Variants in ZNF670 observed in about 807,000 individuals in gnomAD.
ZNF670 encodes the protein zinc finger protein 670.
In ZNF670, 7 loss-of-function variants were observed where a neutral mutation model predicts 10.9. The observed-to-expected ratio is 0.64, with a 90% CI of 0.36 to 1.20. The LOEUF is 1.20. Among genes scored for constraint, ZNF670 ranks in the 50% most tolerant of loss-of-function variants. The pLI is 0.02. For missense variants in ZNF670, 446 were observed against 458.6 expected (o/e 0.97, Z 0.25); for synonymous variants, 136 against 152.7 (o/e 0.89, Z 0.81).
In ZNF670 at chr1:247,063,579, A is replaced by AGTCTC. The variant is rs1491049255; in HGVS notation, c.3+15014_3+15015insGAGAC. Among the ~76,000 whole-genome samples the AGTCTC allele has an allele frequency of 1.2e-4, 8 of 65,366 alleles. No homozygotes were observed. In the South Asian group the frequency reaches 1.2e-3, roughly 10 times the overall value. The allele number at this position is 65,366 out of a possible 152,430, so 42.9% of individuals were successfully genotyped here. A position where few individuals can be genotyped will look rare whatever the true frequency, so the allele number is the denominator to read the frequency against. On this transcript the variant is annotated intron_variant, in intron 1 of 3. Transcript: ENST00000366503. ...GCCTGGGCGACAGAGCGAGACACCA[A>AGTCTC]AAAAAAAAAAAAAAAAAAGGAAACT...
In ZNF670 at chr1:247,039,419, G is replaced by A. The variant is rs1225732376; in HGVS notation, c.122C>T (p.Ala41Val). The change falls in exon 2 of 4, where the codon GCT becomes GTT. Residue 41 changes from alanine to valine, a missense_variant. Physicochemically the swap from Ala to Val is moderately conservative, Grantham distance 64 (BLOSUM62 0). Coordinates refer to ENST00000366503, the MANE Select transcript of ZNF670 (RefSeq NM_033213.5). ...AGTGTTGTTATTCTTACCTACAGAA[G>A]CCAGGTTCCTGAAGATTTCTTGCAT... ...DVMQEIFRNL[A>V]SVGNKSEDQN... The A allele has an allele frequency of 6.2e-7, 1 of 1,602,370 alleles. No homozygotes were observed. The highest frequency in any genetic ancestry group is 8.5e-7 in the Non-Finnish European group (1 of 1,176,012).
intron 1 of ZNF670, among the ~76,000 whole-genome samples, chr1:247,054,658 C>T (rs756323343): frequency 6.6e-6 from 1 of 152,198 alleles, no homozygotes; most frequent in Non-Finnish European, 1.5e-5. Flanking sequence ...AATTGATATA[C>T]AGGCAGTAAG....
chr1:247,073,144 A>T (rs542371655), intron 1 of ZNF670, among the ~76,000 whole-genome samples: 2 of 152,226 alleles, frequency 1.3e-5, no homozygotes, highest in South Asian at 4.1e-4. Context: ...AGCATAAAAC[A>T]ATTTATTCCA....
At chr1:247,042,870 G>A in intron 1 of ZNF670, 1 of 627,640 alleles carries the variant, frequency 1.6e-6, no homozygotes, top group Non-Finnish European at 3.0e-6. Context: ...TCTCTGTACT[G>A]TAACTGGCTC....
At chr1:247,055,519 T>C (rs896035145) in intron 1 of ZNF670, among the ~76,000 whole-genome samples, 1 of 152,210 alleles carries the variant, frequency 6.6e-6, no homozygotes, top group South Asian at 2.1e-4. Context: ...CTTCCACTTA[T>C]TAAACTTTCA....
At position 247,037,256 on chromosome 1, in the gene ZNF670, T is replaced by C; in HGVS notation, c.*193A>G. The C allele has an allele frequency of 1.8e-6, 1 of 551,680 alleles. No individual in the cohort carries two copies. Among genetic ancestry groups the C allele is most frequent in the South Asian group, 4.6e-5 (1 of 21,898 alleles). The allele number at this position is 551,680 out of a possible 1,614,324, so 34.2% of individuals were successfully genotyped here. ...ACATTTTTCGTATTTTATGACGTTC[T>C]TTCCCAGGACGGGTCCTTCTAAGTT... is the stretch of plus-strand genomic sequence containing the variant. On this transcript the variant is annotated 3_prime_UTR_variant, in exon 4 of 4. Coordinates refer to ENST00000366503, the MANE Select transcript of ZNF670 (RefSeq NM_033213.5).
At chr1:247,066,493 A>T (rs1217401634) in intron 1 of ZNF670, among the ~76,000 whole-genome samples, 1 of 152,224 alleles carries the variant, frequency 6.6e-6, no homozygotes, top group African/African-American at 2.4e-5. Context: ...GCTGCAGTGG[A>T]GCATGGTCAT....
At chr1:247,044,919 T>C (rs1670402835) in intron 1 of ZNF670, among the ~76,000 whole-genome samples, 1 of 151,636 alleles carries the variant, frequency 6.6e-6, no homozygotes, top group Non-Finnish European at 1.5e-5. Flanking sequence ...AATTTACTCA[T>C]GTAACAAATC....
At position 247,046,652 on chromosome 1, in the gene ZNF670, T is replaced by C. The variant is rs1310379076; in HGVS notation, c.4-7115A>G. ...CCACAGGCAGCCTCTACTAGGGCAG[T>C]GCCAAGAGAAATGTGAGGATGAAGC... On this transcript the variant is annotated intron_variant, in intron 1 of 3. Transcript: ENST00000366503. 3.9e-5 allele frequency among the ~76,000 whole-genome samples: 6 copies of C among 152,126 alleles called. No homozygotes were observed. In the East Asian group the frequency reaches 1.2e-3, roughly 29 times the overall value.
chr1:247,072,337 T>C (rs1372592511), intron 1 of ZNF670, among the ~76,000 whole-genome samples: 1 of 148,950 alleles, frequency 6.7e-6, no homozygotes, highest in East Asian at 2.0e-4. Context: ...TTTTTTAAAG[T>C]TCAGGCAGGG....
intron 1 of ZNF670, among the ~76,000 whole-genome samples, chr1:247,058,709 T>TAAAAA (rs59634852): frequency 8.0e-6 from 1 of 124,280 alleles, no homozygotes; most frequent in African/African-American, 3.0e-5. Context: ...TACAGACAGT[T>TAAAAA]AAAAAAAAAA....
intron 1 of ZNF670, among the ~76,000 whole-genome samples, chr1:247,075,566 TG>T (rs1671232151): frequency 6.6e-6 from 1 of 152,188 alleles, no homozygotes. Context: ...GTCTTTCCCC[TG>T]CTGTTCTGGT....
intron 1 of ZNF670, among the ~76,000 whole-genome samples, chr1:247,070,519 G>A (rs947303693): frequency 6.6e-6 from 1 of 152,076 alleles, no homozygotes; most frequent in Non-Finnish European, 1.5e-5. Context: ...AAACCTGTAA[G>A]TATAAAAACC....
intron 1 of ZNF670, among the ~76,000 whole-genome samples, chr1:247,067,767 G>A (rs1165831123): frequency 1.0e-4 from 15 of 143,700 alleles, no homozygotes; most frequent in Non-Finnish European, 1.7e-4. Context: ...GCGTGAACCC[G>A]GGAGGCGGAG....
At chr1:247,044,421 G>A (rs1208662989) in intron 1 of ZNF670, among the ~76,000 whole-genome samples, 1 of 152,178 alleles carries the variant, frequency 6.6e-6, no homozygotes, top group South Asian at 2.1e-4. Context: ...ACTTAAAACA[G>A]AACTACCTTT....
At chr1:247,053,987 T>C (rs1403579859) in intron 1 of ZNF670, among the ~76,000 whole-genome samples, 2 of 152,242 alleles carry the variant, frequency 1.3e-5, no homozygotes, top group Non-Finnish European at 2.9e-5. Context: ...CTCCATTACC[T>C]GGCAGCAGCC....
intron 1 of ZNF670, among the ~76,000 whole-genome samples, chr1:247,063,370 A>G (rs1670904317): frequency 6.6e-6 from 1 of 151,912 alleles, no homozygotes; most frequent in South Asian, 2.1e-4. Context: ...TCAGGAGATC[A>G]AGACTAGCTG....
chr1:247,067,618 G>A (rs555989156), intron 1 of ZNF670, among the ~76,000 whole-genome samples: 17 of 150,094 alleles, frequency 1.1e-4, no homozygotes, highest in South Asian at 4.2e-4. Context: ...CGAGGCGGGC[G>A]GATCACGAGG....
At chr1:247,043,906 G>C (rs1166724798) in intron 1 of ZNF670, 1 of 304,500 alleles carries the variant, frequency 3.3e-6, no homozygotes, top group Non-Finnish European at 6.3e-6. Context: ...ATTAAACATA[G>C]AACCAGAGAT....
Sources: allele counts gnomAD v4.1 joint callset (sites outside exome capture counted in the v4.1 genomes callset), GRCh38; gene constraint gnomAD v4.1.1; transcripts MANE v1.5; gene names NCBI Gene and HGNC (gene_info 2026-07-23, HGNC 2026-07-21).